PCDHA9: variants seen among roughly 807,000 people sequenced by gnomAD.
PCDHA9 encodes protocadherin alpha-9.
PCDHA9 carries 62 observed loss-of-function variants against 62.0 expected under a neutral mutation model. The ratio of observed to expected loss-of-function variants is 1.00; its 90% confidence interval spans 0.81 to 1.23. PCDHA9 has a LOEUF of 1.23. PCDHA9 is among the 50% of genes most tolerant of loss of function. The pLI is 0.00. For synonymous variants in PCDHA9, 557 were observed against 567.6 expected, an observed-to-expected ratio of 0.98 and a Z score of 0.27; for missense variants, 1,205 against 1,249.8, an observed-to-expected ratio of 0.96 and a Z score of 0.54.
At position 140,857,752 on chromosome 5, in the gene PCDHA9, C is replaced by G. The variant is rs7725388; in HGVS notation, c.2394+6863C>G. ...ACGCTCCCGCGCTGCTGGCGTCTCCCGCTGGCAGCGCGGGCGGTGCAGTCA... is the reference window on the plus strand; with the variant it reads ...ACGCTCCCGCGCTGCTGGCGTCTCCGGCTGGCAGCGCGGGCGGTGCAGTCA... On this transcript the variant is annotated intron_variant, in intron 1 of 3. Transcript: ENST00000532602. The G allele has an allele frequency of 4.5e-3, 7,184 of 1,597,166 alleles. 625 individuals are homozygous for G. The African/African-American group carries it at 0.078, about 17-fold the overall frequency.
intron 1 of PCDHA9, chr5:140,968,154 A>G (rs782200456): frequency 3.7e-6 from 6 of 1,614,162 alleles, no homozygotes; most frequent in South Asian, 1.1e-5. Flanking sequence ...TCTGACATCA[A>G]TGACAATCCA....
intron 1 of PCDHA9, chr5:140,867,277 A>G (rs2153229225): frequency 6.6e-6 from 1 of 152,228 alleles, no homozygotes; most frequent in East Asian, 1.9e-4. Context: ...AATAAACCTG[A>G]TGTGCTTCAA....
chr5:140,954,383 T>C (rs1333017700), intron 1 of PCDHA9, among the ~76,000 whole-genome samples: 6 of 152,208 alleles, frequency 3.9e-5, no homozygotes, highest in African/African-American at 1.4e-4. Context: ...ATGAGTGAAC[T>C]AATTTACAAC....
chr5:140,971,919 C>G (rs529852735), intron 1 of PCDHA9, among the ~76,000 whole-genome samples: 1 of 152,162 alleles, frequency 6.6e-6, no homozygotes, highest in South Asian at 2.1e-4. Context: ...AGCCACACTG[C>G]TAGTGTTATT....
chr5:140,858,741 A>G, intron 1 of PCDHA9: 1 of 467,024 alleles, frequency 2.1e-6, no homozygotes, highest in Middle Eastern at 5.8e-4. Flanking sequence ...TACTTTCATA[A>G]TCACTTTTCG....
At chr5:140,917,739 T>C (rs1554198287) in intron 1 of PCDHA9, among the ~76,000 whole-genome samples, 1 of 152,222 alleles carries the variant, frequency 6.6e-6, no homozygotes, top group African/African-American at 2.4e-5. Flanking sequence ...CTCTAACCTG[T>C]CCCATTGGTC....
intron 1 of PCDHA9, chr5:140,857,484 G>T (rs1044921765): frequency 6.3e-7 from 1 of 1,598,534 alleles, no homozygotes; most frequent in Admixed American, 1.7e-5. Context: ...GTGTCTGCGT[G>T]GGACGCGGAC....
intron 1 of PCDHA9, among the ~76,000 whole-genome samples, chr5:140,920,560 C>T (rs1288031450): frequency 1.3e-5 from 2 of 152,168 alleles, no homozygotes; most frequent in Non-Finnish European, 2.9e-5. Flanking sequence ...AAGTGTGGCC[C>T]TTAGGCCAGG....
chr5:140,866,332 C>T (rs907104560), intron 1 of PCDHA9: 2 of 152,020 alleles, frequency 1.3e-5, no homozygotes, highest in Non-Finnish European at 2.9e-5. Flanking sequence ...CTGAACTTGG[C>T]CAAAGGATTC....
chr5:140,984,658 A>G (rs1421972508), intron 3 of PCDHA9, among the ~76,000 whole-genome samples: 1 of 152,146 alleles, frequency 6.6e-6, no homozygotes, highest in Non-Finnish European at 1.5e-5. Flanking sequence ...TCCTTCTGGT[A>G]CTTTTAGGTT....
chr5:141,004,024 C>T (rs1380291199), intron 3 of PCDHA9, among the ~76,000 whole-genome samples: 1 of 152,210 alleles, frequency 6.6e-6, no homozygotes, highest in African/African-American at 2.4e-5. Context: ...AAAGAAGAAA[C>T]ATTTCCTTGA....
intron 1 of PCDHA9, chr5:140,852,998 C>A (rs2150526910): frequency 6.5e-6 from 2 of 309,332 alleles, no homozygotes; most frequent in East Asian, 1.7e-4. Context: ...CCTGCCTCAG[C>A]CTCCCGAGTA....
At chr5:140,932,491 T>C (rs1041440008) in intron 1 of PCDHA9, among the ~76,000 whole-genome samples, 11 of 151,918 alleles carry the variant, frequency 7.2e-5, no homozygotes, top group Non-Finnish European at 1.6e-4. Flanking sequence ...CTCTTTGCAA[T>C]GTCATTTGTT....
At chr5:140,906,757 A>G (rs554698266) in intron 1 of PCDHA9, among the ~76,000 whole-genome samples, 2 of 152,346 alleles carry the variant, frequency 1.3e-5, no homozygotes, top group South Asian at 4.1e-4. Flanking sequence ...GCATGGTAAT[A>G]CTAAGAGACA....
chr5:140,849,905 G>C lies in PCDHA9; in HGVS notation c.1410G>C (p.Pro470=). The change falls in exon 1 of 4, where the codon CCG becomes CCC. Residue 470 remains proline, a synonymous_variant. Transcript: ENST00000532602. ...TGTTCGTGAAGGAGAACAACCCGCC[G>C]GGCTGCCACATCTTCACGGTGTCTG... ...YTVFVKENNP[P]GCHIFTVSAR... The C allele has an allele frequency of 6.3e-7, 1 of 1,598,320 alleles. No homozygotes were observed. The highest frequency in any genetic ancestry group is 8.6e-7 in the Non-Finnish European group (1 of 1,167,792).
intron 1 of PCDHA9, chr5:140,927,217 A>C: frequency 6.2e-7 from 1 of 1,614,082 alleles, no homozygotes; most frequent in Non-Finnish European, 8.5e-7. Context: ...GGAGCTGCAC[A>C]AGATTCGGAT....
At chr5:140,908,165 G>T (rs1422050863) in intron 1 of PCDHA9, among the ~76,000 whole-genome samples, 1 of 152,222 alleles carries the variant, frequency 6.6e-6, no homozygotes, top group African/African-American at 2.4e-5. Context: ...GGGCTGTAGT[G>T]CTGCAGCTGT....
intron 1 of PCDHA9, chr5:140,883,754 G>C: frequency 3.1e-6 from 5 of 1,613,118 alleles, no homozygotes; most frequent in Non-Finnish European, 4.2e-6. Flanking sequence ...CTCGCTGGTG[G>C]AGCGGCGGGT....
intron 3 of PCDHA9, among the ~76,000 whole-genome samples, chr5:141,004,792 C>G (rs2098181519): frequency 6.6e-6 from 1 of 152,170 alleles, no homozygotes; most frequent in African/African-American, 2.4e-5. Flanking sequence ...CAGGCAGATT[C>G]TGGCTGAGCT....
Sources: allele counts gnomAD v4.1 joint callset (sites outside exome capture counted in the v4.1 genomes callset), GRCh38; gene constraint gnomAD v4.1.1; transcripts MANE v1.5; gene names NCBI Gene and HGNC (gene_info 2026-07-23, HGNC 2026-07-21).